Variants in LAMA2 observed in about 807,000 individuals in gnomAD.
LAMA2 encodes the protein laminin subunit alpha 2.
A neutral mutation model predicts 364.8 loss-of-function variants in LAMA2; 269 were observed. The ratio of observed to expected loss-of-function variants is 0.74; its 90% confidence interval spans 0.67 to 0.82. The LOEUF is 0.82. Among genes scored for constraint, LAMA2 ranks in the 40% least tolerant of loss-of-function variants. LAMA2 has a pLI of 0.00. For synonymous variants in LAMA2, 1,379 were observed against 1,370.6 expected, an observed-to-expected ratio of 1.01 and a Z score of -0.14; for missense variants, 3,807 against 3,873.2, an observed-to-expected ratio of 0.98 and a Z score of 0.45.
chr6:129,284,787 A>G (rs1788981130), intron 18 of LAMA2, among the ~76,000 whole-genome samples: 1 of 151,800 alleles, frequency 6.6e-6, no homozygotes, highest in African/African-American at 2.4e-5. Context: ...TCCCTCTAAC[A>G]TTGTTCCTAA....
chr6:129,254,562 C>T (rs1786498359), intron 14 of LAMA2, among the ~76,000 whole-genome samples: 1 of 152,174 alleles, frequency 6.6e-6, no homozygotes, highest in Admixed American at 6.5e-5. Context: ...CTCCAAATAC[C>T]ATTAAGACTT....
At chr6:129,283,912 AATTGTGACTCCAGTTG>A (rs1210624778) in intron 18 of LAMA2, among the ~76,000 whole-genome samples, 1 of 151,940 alleles carries the variant, frequency 6.6e-6, no homozygotes, top group African/African-American at 2.4e-5. Context: ...CTGTTAGCAA[AATTGTGACTCCAGTTG>A]AGGTGTCAAG....
intron 11 of LAMA2, among the ~76,000 whole-genome samples, chr6:129,191,805 CA>C (rs1277373573): frequency 6.6e-6 from 1 of 152,168 alleles, no homozygotes; most frequent in Non-Finnish European, 1.5e-5. Context: ...TCCCATCACC[CA>C]CAACATGAAG....
intron 34 of LAMA2, among the ~76,000 whole-genome samples, chr6:129,380,891 T>G (rs1265102185): frequency 3.9e-5 from 6 of 152,180 alleles, no homozygotes; most frequent in Non-Finnish European, 8.8e-5. Context: ...CTCTTACACA[T>G]TACTACGTAA....
chr6:128,905,782 C>T (rs1048010898), intron 1 of LAMA2, among the ~76,000 whole-genome samples: 1 of 151,656 alleles, frequency 6.6e-6, no homozygotes. Flanking sequence ...TATCCCTCCC[C>T]ACTCCCCCCA....
chr6:129,386,381 A>G (rs1022088366), intron 35 of LAMA2, among the ~76,000 whole-genome samples: 1 of 151,860 alleles, frequency 6.6e-6, no homozygotes, highest in Admixed American at 6.6e-5. Context: ...GTATGTTTAT[A>G]TATGTCTATA....
chr6:129,400,153 A>G (rs1274027218), intron 37 of LAMA2, among the ~76,000 whole-genome samples: 1 of 152,206 alleles, frequency 6.6e-6, no homozygotes, highest in Non-Finnish European at 1.5e-5. Flanking sequence ...CTCACATGGT[A>G]AAAGGATGAA....
chr6:129,043,757 C>A (rs1787268745), intron 1 of LAMA2, among the ~76,000 whole-genome samples: 1 of 152,142 alleles, frequency 6.6e-6, no homozygotes, highest in African/African-American at 2.4e-5. Flanking sequence ...TTATGTTCCT[C>A]TGAAGAGCAC....
chr6:129,306,143 A>G (rs964359208), intron 22 of LAMA2, among the ~76,000 whole-genome samples: 1 of 151,906 alleles, frequency 6.6e-6, no homozygotes, highest in Non-Finnish European at 1.5e-5. Context: ...TTTAAACAAG[A>G]AAATTTCTCC....
intron 41 of LAMA2, among the ~76,000 whole-genome samples, chr6:129,433,415 C>CTA (rs770046783): frequency 7.2e-5 from 11 of 152,226 alleles, no homozygotes; most frequent in Admixed American, 7.2e-4. Context: ...TTTAGGTTGA[C>CTA]TTAGGGGACA....
intron 1 of LAMA2, among the ~76,000 whole-genome samples, chr6:129,019,204 A>G (rs1051188694): frequency 6.6e-6 from 1 of 152,042 alleles, no homozygotes; most frequent in African/African-American, 2.4e-5. Flanking sequence ...GAATTTTCTG[A>G]GTCCTTCCAG....
chr6:129,022,931 A>T (rs1785536059), intron 1 of LAMA2, among the ~76,000 whole-genome samples: 1 of 151,400 alleles, frequency 6.6e-6, no homozygotes, highest in Admixed American at 6.6e-5. Flanking sequence ...AAATAAATTG[A>T]CTCCACCCTC....
In LAMA2 at chr6:129,402,369, C is replaced by A. The variant is rs914380880; in HGVS notation, c.5608C>A (p.Leu1870Ile). 10 of 1,613,798 alleles carry A rather than the reference C, an allele frequency of 6.2e-6. No homozygotes were observed. The African/African-American group carries it at 1.3e-4, about 22-fold the overall frequency. Reference sequence around the variant, plus strand: ...TAAATTGCCACCTATGTCTGAGGAGCTTAATGATAAAATAGATGACCTCTC... The same window carrying A: ...TAAATTGCCACCTATGTCTGAGGAGATTAATGATAAAATAGATGACCTCTC... ...QTKLPPMSEELNDKIDDLSQE... is the reference protein window; with the variant it reads ...QTKLPPMSEEINDKIDDLSQE... The change falls in exon 39 of 65, where the codon CTT becomes ATT. Residue 1870 changes from leucine (L) to isoleucine (I), a missense_variant. This residue lies in a region of LAMA2 where 3,333 missense variants were observed against 3,345.7 expected (regional missense o/e 1.00). Coordinates refer to ENST00000421865, the MANE Select transcript of LAMA2 (RefSeq NM_000426.4).
In LAMA2 at chr6:129,198,622, G is replaced by A. The variant is rs908848538; in HGVS notation, c.1782+5769G>A. 7.2e-5 allele frequency among the ~76,000 whole-genome samples: 11 copies of A among 152,198 alleles called. No individual in the cohort carries two copies. The East Asian group carries it at 7.7e-4, about 11-fold the overall frequency. On this transcript the variant is annotated intron_variant, in intron 12 of 64. Transcript: ENST00000421865. Reference sequence around the variant, plus strand: ...TCTGGCAAGATTAATCAAGCAAAACGTGGGTAAAACACAAATAAACAATTT... The same window carrying A: ...TCTGGCAAGATTAATCAAGCAAAACATGGGTAAAACACAAATAAACAATTT...
At chr6:128,995,562 G>A (rs1037296993) in intron 1 of LAMA2, among the ~76,000 whole-genome samples, 21 of 152,148 alleles carry the variant, frequency 1.4e-4, no homozygotes, top group African/African-American at 5.1e-4. Flanking sequence ...GACCTCAGGT[G>A]ATCCGCCTGC....
chr6:129,020,175 G>A (rs1430861097), intron 1 of LAMA2, among the ~76,000 whole-genome samples: 1 of 151,368 alleles, frequency 6.6e-6, no homozygotes, highest in Non-Finnish European at 1.5e-5. Context: ...TAGCTGTTTT[G>A]CCAGGCAGCA....
chr6:128,928,907 G>C, intron 1 of LAMA2: 1 of 722,414 alleles, frequency 1.4e-6, no homozygotes, highest in East Asian at 2.5e-5. Flanking sequence ...ACCTCTTTTG[G>C]GCATTTCTTC....
At chr6:129,379,911 C>T (rs1416053934) in intron 34 of LAMA2, among the ~76,000 whole-genome samples, 5 of 152,122 alleles carry the variant, frequency 3.3e-5, no homozygotes, top group Admixed American at 3.3e-4. Context: ...TCCAAGGGAT[C>T]ATTGGTTTGA....
At chr6:129,156,997 GACACAC>G (rs1166360795) in intron 8 of LAMA2, among the ~76,000 whole-genome samples, 27 of 152,090 alleles carry the variant, frequency 1.8e-4, no homozygotes, top group Admixed American at 3.3e-4. Flanking sequence ...TGTGCATGGA[GACACAC>G]ACACATCACT....
Sources: allele counts gnomAD v4.1 joint callset (sites outside exome capture counted in the v4.1 genomes callset), GRCh38; gene constraint gnomAD v4.1.1; regional missense constraint gnomAD v4.1.1; transcripts MANE v1.5; gene names NCBI Gene and HGNC (gene_info 2026-07-23, HGNC 2026-07-21).